The following PCDHGA6 variants were observed in gnomAD, a reference collection of about 807,000 sequenced individuals.
PCDHGA6 encodes protocadherin gamma-A6.
In PCDHGA6, 41 loss-of-function variants were observed where a neutral mutation model predicts 60.6. That is an observed-to-expected ratio of 0.68 (90% CI 0.53 to 0.88). The LOEUF (loss-of-function observed/expected upper bound fraction) is 0.88. PCDHGA6 is among the 40% of genes least tolerant of loss of function. The pLI is 0.00. For missense variants in PCDHGA6, 1,312 were observed against 1,203.0 expected (o/e 1.09, Z -1.34); for synonymous variants, 594 against 524.4 (o/e 1.13, Z -1.81).
intron 1 of PCDHGA6, chr5:141,400,466 C>T: frequency 6.2e-7 from 1 of 1,614,024 alleles, no homozygotes; most frequent in Non-Finnish European, 8.5e-7. Context: ...TGTGGTGATT[C>T]ATCTGGGGCC....
At position 141,491,825 on chromosome 5, in the gene PCDHGA6, C is replaced by A. The variant is rs948385010; in HGVS notation, c.2425-2982C>A. ...CGGCTTGGTCGCTGGCTGCGCTCCA[C>A]CCGATTCTCGGGATCATTGGACCGT... On this transcript the variant is annotated intron_variant, in intron 1 of 3. Coordinates refer to ENST00000517434, the MANE Select transcript of PCDHGA6 (RefSeq NM_018919.3). This position sits in a 1 kb window ranked among gnomAD's most constrained non-coding sequence, Gnocchi z 6.9. 145 of 1,478,052 alleles carry A rather than the reference C, an allele frequency of 9.8e-5. No homozygotes were observed. Among genetic ancestry groups the A allele is most frequent in the Non-Finnish European group, 1.3e-4 (142 of 1,114,822 alleles). 91.6% of individuals were successfully genotyped at this position (1,478,052 alleles called of 1,614,324 possible). A position where few individuals can be genotyped will look rare whatever the true frequency, so the allele number is the denominator to read the frequency against.
intron 1 of PCDHGA6, chr5:141,398,411 T>C (rs1346480691): frequency 6.8e-7 from 1 of 1,478,640 alleles, no homozygotes; most frequent in South Asian, 1.1e-5. Context: ...AGGGAGGAGA[T>C]ATGCGGGAAG....
At chr5:141,402,962 C>A (rs1482027682) in intron 1 of PCDHGA6, 2 of 1,604,618 alleles carry the variant, frequency 1.2e-6, no homozygotes, top group African/African-American at 2.7e-5. Flanking sequence ...AATGGCAGCT[C>A]CAACCAAATG....
chr5:141,401,890 C>T (rs2094204069), intron 1 of PCDHGA6, among the ~76,000 whole-genome samples: 1 of 152,084 alleles, frequency 6.6e-6, no homozygotes, highest in Non-Finnish European at 1.5e-5. Context: ...ATTTTGTGTT[C>T]TTTTTCCCAA....
chr5:141,414,351 G>C (rs771256149), intron 1 of PCDHGA6: 2 of 1,613,676 alleles, frequency 1.2e-6, no homozygotes, highest in Non-Finnish European at 1.7e-6. Context: ...CCATTTTGGC[G>C]TATCTACCAT....
At chr5:141,423,148 C>G (rs2096714622) in intron 1 of PCDHGA6, 1 of 1,613,404 alleles carries the variant, frequency 6.2e-7, no homozygotes, top group African/African-American at 1.3e-5. Flanking sequence ...CGCGCTCAAG[C>G]AGAGCCTCGT....
chr5:141,404,333 C>A, intron 1 of PCDHGA6: 3 of 1,613,854 alleles, frequency 1.9e-6, no homozygotes, highest in South Asian at 1.1e-5. Flanking sequence ...CTCAGTCTAC[C>A]TCCCGGAAAA....
intron 1 of PCDHGA6, chr5:141,383,918 T>C: frequency 6.2e-7 from 1 of 1,613,948 alleles, no homozygotes. Flanking sequence ...GTTTTAGATG[T>C]AAATGATAAT....
At chr5:141,510,831 A>T (rs2154594660) in intron 3 of PCDHGA6, 116 bp from the exon 4 acceptor site, 1 of 1,577,022 alleles carries the variant, frequency 6.3e-7, no homozygotes, top group East Asian at 2.2e-5. Context: ...CCCAGTGCTC[A>T]GCGTGGTCAA....
chr5:141,485,654 G>A lies in PCDHGA6; in HGVS notation c.2425-9153G>A, dbSNP rs2099617203. 6.2e-7 allele frequency: 1 copy of A among 1,612,482 alleles called. No individual in the cohort carries two copies. The highest frequency in any genetic ancestry group is 8.5e-7 in the Non-Finnish European group (1 of 1,178,842). On this transcript the variant is annotated intron_variant, in intron 1 of 3. Coordinates refer to ENST00000517434, the MANE Select transcript of PCDHGA6 (RefSeq NM_018919.3). The surrounding 1 kb of genome is among the most constrained non-coding windows in gnomAD (Gnocchi z 5.7). ...CCCGTTGGAAAAGGCTCAGGATGCA[G>A]ATGTGGGGAGCAATTCGATTAGCAG... is the stretch of plus-strand genomic sequence containing the variant.
rs926009065 is a variant in PCDHGA6, at chr5:141,488,023, AG to A, written c.2425-6782del. ...TCAGATTCTGAAGTACCTTAACTCT[AG>A]GTTACCATTTCCCAAGGGATTGAGG... On this transcript the variant is annotated intron_variant, in intron 1 of 3. Transcript: ENST00000517434. 1.4e-3 allele frequency among the ~76,000 whole-genome samples: 213 copies of A among 152,260 alleles called. 1 individual carries two copies. The highest frequency in any genetic ancestry group is 5.0e-3 in the African/African-American group (208 of 41,542).
In PCDHGA6 at chr5:141,435,189, G is replaced by A. The variant is rs569176993; in HGVS notation, c.2424+58682G>A. Among the ~76,000 whole-genome samples the A allele has an allele frequency of 5.3e-5, 8 of 152,166 alleles. No homozygotes were observed. The South Asian group carries it at 8.3e-4, about 16-fold the overall frequency. On this transcript the variant is annotated intron_variant, in intron 1 of 3. Coordinates refer to ENST00000517434, the MANE Select transcript of PCDHGA6 (RefSeq NM_018919.3). ...GTGGCTTTTAACTACACTTGAGATGGCTAGCAAATTCATAAAGTGAATTTA... is the reference window on the plus strand; with the variant it reads ...GTGGCTTTTAACTACACTTGAGATGACTAGCAAATTCATAAAGTGAATTTA...
intron 1 of PCDHGA6, chr5:141,393,869 G>A: frequency 1.2e-6 from 2 of 1,613,982 alleles, no homozygotes; most frequent in Non-Finnish European, 1.7e-6. Context: ...TTACGTCTTT[G>A]TTTAGCCCAG....
chr5:141,409,803 C>T (rs779815582), intron 1 of PCDHGA6: 3 of 1,611,528 alleles, frequency 1.9e-6, no homozygotes, highest in African/African-American at 1.3e-5. Flanking sequence ...ACGCTGCAGG[C>T]CCGCGACCAC....
chr5:141,410,835 T>C (rs1360836957), intron 1 of PCDHGA6: 2 of 490,228 alleles, frequency 4.1e-6, no homozygotes, highest in Admixed American at 4.0e-5. Context: ...AGACTGAAGA[T>C]ATTTTGTCTT....
intron 1 of PCDHGA6, chr5:141,403,588 C>CGGTG (rs773103981): frequency 1.2e-6 from 2 of 1,613,904 alleles, no homozygotes; most frequent in East Asian, 2.2e-5. Flanking sequence ...ACCTGGTCCT[C>CGGTG]ACGGCCTCGG....
At chr5:141,423,761 TG>T in intron 1 of PCDHGA6, 1 of 156,420 alleles carries the variant, frequency 6.4e-6, no homozygotes, top group Non-Finnish European at 9.2e-6. Context: ...GGGGGGGGGG[TG>T]GGGCGGCATA....
Position 141,491,742 on chromosome 5 carries a change from C to CA in PCDHGA6, c.2425-3064dup. The CA allele has an allele frequency of 3.1e-6, 5 of 1,596,114 alleles. No individual in the cohort carries two copies. Among genetic ancestry groups the CA allele is most frequent in the Non-Finnish European group, 4.3e-6 (5 of 1,172,424 alleles). ...CGCCCCGGGCGACCCCTGGGGGCGG[C>CA]ACTGGAGAAGCCGCCCGTCCTCATA... On this transcript the variant is annotated intron_variant, in intron 1 of 3. Coordinates refer to ENST00000517434, the MANE Select transcript of PCDHGA6 (RefSeq NM_018919.3). This position sits in a 1 kb window ranked among gnomAD's most constrained non-coding sequence, Gnocchi z 6.9.
chr5:141,413,649 C>G, intron 1 of PCDHGA6: 1 of 1,613,836 alleles, frequency 6.2e-7, no homozygotes, highest in South Asian at 1.1e-5. Flanking sequence ...GTTTTCCTCT[C>G]CCGGAAGCTA....
Sources: gnomAD v4.1 joint callset for allele counts (sites outside exome capture counted in the v4.1 genomes callset) on GRCh38, gnomAD v4.1.1 for gene constraint, Gnocchi (gnomAD v3.1) non-coding constraint, MANE v1.5 for transcripts, NCBI Gene and HGNC (gene_info 2026-07-23, HGNC 2026-07-21) for gene names.